Variants in ZNF793 observed in about 807,000 individuals in gnomAD.
The protein encoded by ZNF793 is zinc finger protein 793.
Under a neutral mutation model 12.4 loss-of-function variants are expected in ZNF793, and 5 were observed. The observed-to-expected ratio is 0.40, with a 90% CI of 0.21 to 0.84. The LOEUF (loss-of-function observed/expected upper bound fraction) is 0.84. Ranked by LOEUF, ZNF793 falls within the 40% of genes least tolerant of loss-of-function variation. The pLI is 0.35. For missense variants in ZNF793, 456 were observed against 495.0 expected, an observed-to-expected ratio of 0.92 and a Z score of 0.75; for synonymous variants, 162 against 172.4, an observed-to-expected ratio of 0.94 and a Z score of 0.47.
chr19:37,543,265 G>A lies in ZNF793; in HGVS notation c.*5386G>A, dbSNP rs1021121119. Reference sequence around the variant, plus strand: ...TAAGTTTTCTGAATACCTTTGCATTGTCTTGTTCACATATATTGCTTTTGT... The same window carrying A: ...TAAGTTTTCTGAATACCTTTGCATTATCTTGTTCACATATATTGCTTTTGT... On this transcript the variant is annotated 3_prime_UTR_variant, in exon 8 of 8. Coordinates refer to ENST00000627814, the MANE Select transcript of ZNF793 (RefSeq NM_001013659.3). 2 of 152,266 alleles carry A rather than the reference G, an allele frequency of 1.3e-5. No individual in the cohort carries two copies. The highest frequency in any genetic ancestry group is 2.9e-5 in the Non-Finnish European group (2 of 68,016). The allele number at this position is 152,266 out of a possible 1,614,324, so 9.4% of individuals were successfully genotyped here. A position where few individuals can be genotyped will look rare whatever the true frequency, so the allele number is the denominator to read the frequency against.
Position 37,537,699 on chromosome 19 carries a change from C to G in ZNF793, c.1041C>G (p.Ser347=), listed in dbSNP as rs775773983. ...RPYRCRECGK[S]FSQKSCLNKH... is the part of the protein sequence containing the mutation. ...ATCGTTGCAGAGAATGTGGAAAATC[C>G]TTCAGCCAGAAGTCATGCCTCAATA... is the stretch of plus-strand genomic sequence containing the variant. Residue 347 remains serine (S), a synonymous_variant, in exon 8 of 8, where the codon TCC becomes TCG. Coordinates refer to ENST00000627814, the MANE Select transcript of ZNF793 (RefSeq NM_001013659.3). 6.2e-7 allele frequency: 1 copy of G among 1,613,606 alleles called. No homozygotes were observed. Among genetic ancestry groups the G allele is most frequent in the South Asian group, 1.1e-5 (1 of 91,062 alleles).
In ZNF793 at chr19:37,537,952, C is replaced by T. The variant is rs554444390; in HGVS notation, c.*73C>T. On this transcript the variant is annotated 3_prime_UTR_variant, in exon 8 of 8. Transcript: ENST00000627814. Reference sequence around the variant, plus strand: ...TTTGAGTTGGAATCTCACTTTGTCACCCAGGCTGGAGTGCAGTGGCGCGAT... The same window carrying T: ...TTTGAGTTGGAATCTCACTTTGTCATCCAGGCTGGAGTGCAGTGGCGCGAT... 1.0e-4 allele frequency: 144 copies of T among 1,435,256 alleles called. 3 individuals carry two copies. In the South Asian group the frequency reaches 2.0e-3, roughly 20 times the overall value. The allele number at this position is 1,435,256 out of a possible 1,614,324, so 88.9% of individuals were successfully genotyped here.
At chr19:37,528,874 C>T (rs564059850) in intron 5 of ZNF793, among the ~76,000 whole-genome samples, 7 of 152,324 alleles carry the variant, frequency 4.6e-5, no homozygotes, top group South Asian at 2.1e-4. Context: ...CTGCTCTCCC[C>T]GTCTTGCAGA....
At chr19:37,524,200 A>T (rs1157444154) in intron 5 of ZNF793, among the ~76,000 whole-genome samples, 1 of 146,636 alleles carries the variant, frequency 6.8e-6, no homozygotes. Flanking sequence ...ATAATAATAA[A>T]GGGTTTTAAG....
Position 37,532,451 on chromosome 19 carries a change from G to A in ZNF793, c.111G>A (p.Met37Ile), listed in dbSNP as rs1025803718. 4 of 1,612,156 alleles carry A rather than the reference G, an allele frequency of 2.5e-6. No homozygotes were observed. The African/African-American group carries it at 5.3e-5, about 22-fold the overall frequency. Residue 37 changes from methionine (M) to isoleucine (I), a missense_variant, in exon 6 of 8, where the codon ATG becomes ATA. Met to Ile is a conservative substitution (Grantham distance 10). Coordinates refer to ENST00000627814, the MANE Select transcript of ZNF793 (RefSeq NM_001013659.3). ...AGAGGGCCCTGTACCGGGATGTGATGCTGGAAACCTATAGCAACCTCGTCT... is the reference window on the plus strand; with the variant it reads ...AGAGGGCCCTGTACCGGGATGTGATACTGGAAACCTATAGCAACCTCGTCT... ...PAQRALYRDV[M>I]LETYSNLVSV...
intron 2 of ZNF793, among the ~76,000 whole-genome samples, chr19:37,508,924 C>A (rs867511973): frequency 1.1e-4 from 17 of 152,176 alleles, no homozygotes; most frequent in South Asian, 4.1e-4. Context: ...CTCCACTAAT[C>A]AATTCCTTAT....
chr19:37,512,888 A>C (rs1465964753), intron 2 of ZNF793, among the ~76,000 whole-genome samples: 1 of 151,996 alleles, frequency 6.6e-6, no homozygotes, highest in East Asian at 1.9e-4. Flanking sequence ...TTTAGTTGTC[A>C]TATCTCTTTA....
At position 37,539,749 on chromosome 19, in the gene ZNF793, A is replaced by T. The variant is rs940138035; in HGVS notation, c.*1870A>T. On this transcript the variant is annotated 3_prime_UTR_variant, in exon 8 of 8. Coordinates refer to ENST00000627814, the MANE Select transcript of ZNF793 (RefSeq NM_001013659.3). ...ATAAACTTAAGTTATGAAAACTGCAATAAGAAGTAGAAAACTTGGTAGGAT... is the reference window on the plus strand; with the variant it reads ...ATAAACTTAAGTTATGAAAACTGCATTAAGAAGTAGAAAACTTGGTAGGAT... The T allele has an allele frequency of 6.6e-6, 1 of 152,220 alleles. No individual in the cohort carries two copies. Among genetic ancestry groups the T allele is most frequent in the African/African-American group, 2.4e-5 (1 of 41,464 alleles). 9.4% of individuals were successfully genotyped at this position (152,220 alleles called of 1,614,324 possible).
chr19:37,532,482 G>A lies in ZNF793; in HGVS notation c.142G>A (p.Gly48Ser), dbSNP rs771679546. Residue 48 changes from glycine to serine, a missense_variant and splice_region_variant, in exon 6 of 8, where the codon GGT becomes AGT. Coordinates refer to ENST00000627814, the MANE Select transcript of ZNF793 (RefSeq NM_001013659.3). ...AACCTATAGCAACCTCGTCTCAGTG[G>A]GTAAGAACATCCTCACCATACAATG... ...LETYSNLVSV[G>S]YEGTKPDVIL... is the part of the protein sequence containing the mutation. 25 of 1,600,250 alleles carry A rather than the reference G, an allele frequency of 1.6e-5. No individual in the cohort carries two copies. Among genetic ancestry groups the A allele is most frequent in the Non-Finnish European group, 1.4e-5 (17 of 1,173,564 alleles).
chr19:37,529,763 G>A (rs2042443050), intron 5 of ZNF793, among the ~76,000 whole-genome samples: 2 of 152,208 alleles, frequency 1.3e-5, no homozygotes, highest in African/African-American at 2.4e-5. Context: ...GAAGTGCTGG[G>A]ATTACAGTGG....
rs2042515346 is a variant in ZNF793 at position 37,537,392 on chromosome 19, A to G, written c.734A>G (p.His245Arg). 11 of 1,613,004 alleles carry G rather than the reference A, an allele frequency of 6.8e-6. No individual in the cohort carries two copies. The highest frequency in any genetic ancestry group is 8.5e-6 in the Non-Finnish European group (10 of 1,179,438). Residue 245 changes from histidine to arginine, a missense_variant, in exon 8 of 8, where the codon CAT (histidine) becomes CGT (arginine). Coordinates refer to ENST00000627814, the MANE Select transcript of ZNF793 (RefSeq NM_001013659.3). ...AFCYKSEFIR[H>R]QRSHTGEKPY... Reference sequence around the variant, plus strand: ...TGCTACAAGTCTGAATTCATTAGGCATCAGAGAAGTCACACTGGGGAGAAG... The same window carrying G: ...TGCTACAAGTCTGAATTCATTAGGCGTCAGAGAAGTCACACTGGGGAGAAG...
chr19:37,510,911 A>C (rs184854876), intron 2 of ZNF793, among the ~76,000 whole-genome samples: 12 of 151,800 alleles, frequency 7.9e-5, no homozygotes, highest in Admixed American at 2.6e-4. Flanking sequence ...GTTAGCCAGG[A>C]TGGTCTCAAT....
At chr19:37,510,723 G>T (rs1385762934) in intron 2 of ZNF793, among the ~76,000 whole-genome samples, 6 of 149,890 alleles carry the variant, frequency 4.0e-5, no homozygotes, top group Admixed American at 2.0e-4. Context: ...TTGAGACAGG[G>T]TCTCACTCTA....
Position 37,543,000 on chromosome 19 carries a change from A to T in ZNF793, c.*5121A>T, listed in dbSNP as rs1221919356. On this transcript the variant is annotated 3_prime_UTR_variant, in exon 8 of 8. Transcript: ENST00000627814. ...TCACGGGTGATACCACAAATGTGTG[A>T]GTTAGTAAATTTGGCTGGGGATGGG... 3 of 152,244 alleles carry T rather than the reference A, an allele frequency of 2.0e-5. No individual in the cohort carries two copies. The highest frequency in any genetic ancestry group is 7.2e-5 in the African/African-American group (3 of 41,458). 9.4% of individuals were successfully genotyped at this position (152,244 alleles called of 1,614,324 possible). A position where few individuals can be genotyped will look rare whatever the true frequency, so the allele number is the denominator to read the frequency against.
chr19:37,533,687 G>A, intron 7 of ZNF793: 1 of 495,678 alleles, frequency 2.0e-6, no homozygotes, highest in Non-Finnish European at 3.6e-6. Context: ...TCCTGTTCCT[G>A]CTTCCTATTC....
chr19:37,525,815 C>G (rs2042411549), intron 5 of ZNF793, among the ~76,000 whole-genome samples: 1 of 152,180 alleles, frequency 6.6e-6, no homozygotes, highest in African/African-American at 2.4e-5. Context: ...TTGATCTGGA[C>G]TGAGGAACAG....
At chr19:37,516,124 A>G (rs958103535) in intron 2 of ZNF793, among the ~76,000 whole-genome samples, 2 of 152,138 alleles carry the variant, frequency 1.3e-5, no homozygotes, top group African/African-American at 4.8e-5. Flanking sequence ...TGAGAGATCT[A>G]TGAACTAGTT....
chr19:37,517,150 G>GA (rs570499446), intron 2 of ZNF793, among the ~76,000 whole-genome samples: 183 of 152,074 alleles, frequency 1.2e-3, no homozygotes, highest in Non-Finnish European at 2.2e-3. Context: ...TCCCCAGTAG[G>GA]AAAAAATCTG....
chr19:37,540,428 A>C lies in ZNF793; in HGVS notation c.*2549A>C. The C allele has an allele frequency of 6.6e-6, 1 of 151,768 alleles. No homozygotes were observed. The highest frequency in any genetic ancestry group is 1.5e-5 in the Non-Finnish European group (1 of 67,940). The allele number at this position is 151,768 out of a possible 1,614,324, so 9.4% of individuals were successfully genotyped here. ...GCCAAACCAGTTCAGTTAATAGGAA[A>C]TGCATCAATCAAATTAACAGTTTAA... On this transcript the variant is annotated 3_prime_UTR_variant, in exon 8 of 8. Coordinates refer to ENST00000627814, the MANE Select transcript of ZNF793 (RefSeq NM_001013659.3).
Sources: gnomAD v4.1 joint callset for allele counts (sites outside exome capture counted in the v4.1 genomes callset) on GRCh38, gnomAD v4.1.1 for gene constraint, MANE v1.5 for transcripts, NCBI Gene and HGNC (gene_info 2026-07-23, HGNC 2026-07-21) for gene names.